Variants in ANK2 observed in about 807,000 individuals in gnomAD.
ANK2 encodes ankyrin-2.
In ANK2, 83 loss-of-function variants were observed where a neutral mutation model predicts 360.5. The observed-to-expected ratio is 0.23, with a 90% CI of 0.19 to 0.28. The LOEUF (loss-of-function observed/expected upper bound fraction) is 0.28, where lower values mean the gene tolerates loss of function less well. Ranked by LOEUF, ANK2 falls within the 10% of genes least tolerant of loss-of-function variation. The probability of loss-of-function intolerance (pLI) is 1.00; values close to 1 mark genes in which losing one functional copy is unlikely to be tolerated. For missense variants in ANK2, 4,201 were observed against 4,795.7 expected (o/e 0.88, Z 3.66); for synonymous variants, 1,740 against 1,759.5 (o/e 0.99, Z 0.28).
At chr4:112,803,903 T>A in the ANK2 span, among the ~76,000 whole-genome samples, 2 of 152,110 alleles carry the variant, frequency 1.3e-5, no homozygotes, top group African/African-American at 4.8e-5. Context: ...AGACAGAGAA[T>A]AATATAATGA....
chr4:112,985,990 AATAAAATTATATATAAATATAAAATAT>A (rs1260735177), intron 2 of ANK2, among the ~76,000 whole-genome samples: 14 of 148,334 alleles, frequency 9.4e-5, no homozygotes, highest in East Asian at 5.8e-4. Flanking sequence ...GGAAATAAAA[AATAAAATTATATATAAATATAAAATAT>A]ATAAAATTAT....
At chr4:113,029,487 T>C (rs993554580) in intron 2 of ANK2, among the ~76,000 whole-genome samples, 1 of 152,018 alleles carries the variant, frequency 6.6e-6, no homozygotes, top group East Asian at 1.9e-4. Flanking sequence ...CACCTCACCC[T>C]CCCAAAGTGC....
chr4:113,000,107 A>T (rs1247748240), intron 2 of ANK2, among the ~76,000 whole-genome samples: 1 of 152,222 alleles, frequency 6.6e-6, no homozygotes, highest in African/African-American at 2.4e-5. Context: ...CGCAGGGCTT[A>T]TATACCATTT....
chr4:112,956,525 T>C (rs1413777001), intron 2 of ANK2, among the ~76,000 whole-genome samples: 3 of 152,212 alleles, frequency 2.0e-5, no homozygotes, highest in Non-Finnish European at 4.4e-5. Flanking sequence ...GATCTGATAA[T>C]GGAGAAGGCT....
intron 1 of ANK2, chr4:113,151,088 C>T (rs939727189): frequency 5.4e-6 from 7 of 1,288,398 alleles, no homozygotes; most frequent in Non-Finnish European, 5.1e-6. Context: ...AGGTGACATG[C>T]CCCCAGATGA....
At position 113,282,639 on chromosome 4, in the gene ANK2, C is replaced by T. The variant is rs1343514433; in HGVS notation, c.1882-36C>T. On this transcript the variant is annotated intron_variant, in intron 17 of 45. Transcript: ENST00000357077. ...CGTATTAGAGCAATTGTTAATCTTA[C>T]TCTATATGCATGTGTTTTATTTTTG... 3 of 1,522,150 alleles carry T rather than the reference C, an allele frequency of 2.0e-6. No individual in the cohort carries two copies. The Admixed American group carries it at 5.5e-5, about 28-fold the overall frequency. 94.3% of individuals were successfully genotyped at this position (1,522,150 alleles called of 1,614,324 possible).
At chr4:113,192,404 CA>C (rs2098681657) in intron 2 of ANK2, among the ~76,000 whole-genome samples, 1 of 152,184 alleles carries the variant, frequency 6.6e-6, no homozygotes, top group African/African-American at 2.4e-5. Flanking sequence ...TCAAAATCAA[CA>C]GAGTCCACCC....
intron 1 of ANK2, among the ~76,000 whole-genome samples, chr4:113,148,715 C>T (rs570379118): frequency 8.5e-5 from 13 of 152,204 alleles, no homozygotes; most frequent in Admixed American, 6.5e-4. Flanking sequence ...CCTGTGATAG[C>T]GGGAGACAGA....
intron 4 of ANK2, among the ~76,000 whole-genome samples, chr4:113,204,697 A>G (rs1263263246): frequency 6.6e-6 from 1 of 152,162 alleles, no homozygotes; most frequent in East Asian, 1.9e-4. Context: ...CCTTCCTTCC[A>G]AATAATCCTA....
In ANK2 at chr4:113,240,533, G is replaced by A. The variant is rs752395758; in HGVS notation, c.742G>A (p.Val248Met). The A allele has an allele frequency of 5.0e-6, 8 of 1,613,812 alleles. No individual in the cohort carries two copies. In the Admixed American group the frequency reaches 5.0e-5, roughly 10 times the overall value. ...HIAAHYGNVNVATLLLNRGAA... is the reference protein window; with the variant it reads ...HIAAHYGNVNMATLLLNRGAA... ...AGCTGCACATTACGGAAATGTCAAC[G>A]TGGCAACTCTTCTTCTAAACCGGGG... The change falls in exon 8 of 46, where the codon GTG becomes ATG. Residue 248 changes from valine to methionine, a missense_variant. By Grantham distance (21) the Val-to-Met change is conservative. Transcript: ENST00000357077.
chr4:112,896,757 C>A (rs1039708677), intron 1 of ANK2, among the ~76,000 whole-genome samples: 1 of 152,310 alleles, frequency 6.6e-6, no homozygotes, highest in Middle Eastern at 3.4e-3. Context: ...GTCATTTCTG[C>A]TGTCACCAAC....
intron 2 of ANK2, among the ~76,000 whole-genome samples, chr4:112,931,511 A>G (rs545435018): frequency 7.5e-6 from 1 of 133,274 alleles, no homozygotes; most frequent in African/African-American, 2.9e-5. Context: ...ATCTCAGCTC[A>G]CTGCAACCTC....
chr4:113,363,237 C>G lies in ANK2; in HGVS notation c.10757-101C>G, dbSNP rs1053922848. On this transcript the variant is annotated intron_variant, in intron 39 of 45. Coordinates refer to ENST00000357077, the MANE Select transcript of ANK2 (RefSeq NM_001148.6). Reference sequence around the variant, plus strand: ...AGAAATTAAGGAACTCAAATACTCACCACAATATAAAGAACACATCATTTA... The same window carrying G: ...AGAAATTAAGGAACTCAAATACTCAGCACAATATAAAGAACACATCATTTA... 259 of 1,208,068 alleles carry G rather than the reference C, an allele frequency of 2.1e-4. 5 individuals carry two copies. In the South Asian group the frequency reaches 2.3e-3, roughly 11 times the overall value. The allele number at this position is 1,208,068 out of a possible 1,614,324, so 74.8% of individuals were successfully genotyped here.
chr4:112,784,585 C>T, the ANK2 span, among the ~76,000 whole-genome samples: 2 of 151,790 alleles, frequency 1.3e-5, no homozygotes, highest in South Asian at 2.1e-4. Context: ...CCTCATGATC[C>T]GCCCGCCTCG....
At chr4:112,877,651 C>T (rs550814406) in intron 1 of ANK2, among the ~76,000 whole-genome samples, 15 of 152,278 alleles carry the variant, frequency 9.9e-5, no homozygotes, top group Non-Finnish European at 1.3e-4. Context: ...TTCAAGATGG[C>T]AACCTCAGAG....
At chr4:113,279,249 T>C (rs537756875) in intron 17 of ANK2, among the ~76,000 whole-genome samples, 1 of 152,280 alleles carries the variant, frequency 6.6e-6, no homozygotes, top group Non-Finnish European at 1.5e-5. Context: ...CACATCAGGG[T>C]TTATTTAAAA....
rs1375233072 is a variant in ANK2 at position 113,339,219 on chromosome 4, A to G, written c.3797-7A>G. ...CCTGATTTTTTTCAACAATCATATT[A>G]TTTCAGGTGGAACCACCCCTGCCCA... On this transcript the variant is annotated splice_polypyrimidine_tract_variant and splice_region_variant and intron_variant, in intron 31 of 45. Transcript: ENST00000357077. The G allele has an allele frequency of 1.9e-6, 3 of 1,608,332 alleles. No individual in the cohort carries two copies. The Admixed American group carries it at 5.0e-5, about 27-fold the overall frequency.
chr4:113,125,902 C>T (rs531201024), intron 1 of ANK2, among the ~76,000 whole-genome samples: 10 of 152,110 alleles, frequency 6.6e-5, no homozygotes, highest in South Asian at 4.2e-4. Context: ...GTTTATATGA[C>T]GCAAGTTTTC....
chr4:112,783,628 ATTATTTATTTATTTAT>A, the ANK2 span, among the ~76,000 whole-genome samples: 58 of 141,212 alleles, frequency 4.1e-4, no homozygotes, highest in African/African-American at 1.4e-3. Flanking sequence ...ATGTTGATAT[ATTATTTATTTATTTAT>A]TTATTTATTT....
Sources: gnomAD v4.1 joint callset for allele counts (sites outside exome capture counted in the v4.1 genomes callset) on GRCh38, gnomAD v4.1.1 for gene constraint, MANE v1.5 for transcripts, NCBI Gene and HGNC (gene_info 2026-07-23, HGNC 2026-07-21) for gene names.